Variants in DHRS4 observed in about 807,000 individuals in gnomAD.
DHRS4 encodes dehydrogenase/reductase 4.
Under a neutral mutation model 28.4 loss-of-function variants are expected in DHRS4, and 20 were observed. The observed-to-expected ratio is 0.71, with a 90% CI of 0.50 to 1.02. DHRS4 has a LOEUF of 1.02. Ranked by LOEUF, DHRS4 falls within the 50% of genes least tolerant of loss-of-function variation. The pLI is 0.00. For missense variants in DHRS4, 378 were observed against 367.2 expected, an observed-to-expected ratio of 1.03 and a Z score of -0.24; for synonymous variants, 144 against 146.4, an observed-to-expected ratio of 0.98 and a Z score of 0.12.
rs571209554 is a variant in DHRS4, at chr14:23,955,799, C to A, written c.306+587C>A. Among the ~76,000 whole-genome samples the A allele has an allele frequency of 3.3e-5, 5 of 152,348 alleles. No homozygotes were observed. The East Asian group carries it at 7.7e-4, about 23-fold the overall frequency. ...CCTTCCTTTATTGGCTGCCTGTGGA[C>A]TACCGGGTACTGGACTTTAGTCTCA... On this transcript the variant is annotated intron_variant, in intron 2 of 7. Coordinates refer to ENST00000313250, the MANE Select transcript of DHRS4 (RefSeq NM_021004.4).
At position 23,962,587 on chromosome 14, in the gene DHRS4, C is replaced by A. The variant is rs1255662368; in HGVS notation, c.408+2584C>A. Among the ~76,000 whole-genome samples the A allele has an allele frequency of 5.4e-4, 82 of 151,952 alleles. 1 individual carries two copies. The South Asian group carries it at 0.015, about 27-fold the overall frequency. ...AATTCAGTCCCATCTTCCAGCTCCGCTTCTAGTTCTCTTGCTATTTCCACC... is the reference window on the plus strand; with the variant it reads ...AATTCAGTCCCATCTTCCAGCTCCGATTCTAGTTCTCTTGCTATTTCCACC... On this transcript the variant is annotated intron_variant, in intron 3 of 7. Transcript: ENST00000313250.
chr14:23,966,816 G>T (rs1030032454), intron 6 of DHRS4, among the ~76,000 whole-genome samples: 1 of 152,292 alleles, frequency 6.6e-6, no homozygotes, highest in Non-Finnish European at 1.5e-5. Context: ...TTACCATGAG[G>T]ATGGGCAGTT....
chr14:23,958,706 C>A (rs2033274999), intron 2 of DHRS4, among the ~76,000 whole-genome samples: 1 of 152,212 alleles, frequency 6.6e-6, no homozygotes, highest in African/African-American at 2.4e-5. Context: ...CTCTCCTGGG[C>A]AACCAGTTTC....
Position 23,969,066 on chromosome 14 carries a change from T to C in DHRS4, c.*195T>C. On this transcript the variant is annotated 3_prime_UTR_variant, in exon 8 of 8. Coordinates refer to ENST00000313250, the MANE Select transcript of DHRS4 (RefSeq NM_021004.4). Reference sequence around the variant, plus strand: ...CGGGATTTCTGCTGTTGTTGTGGCCTTGGGTAAAGGCCTCCCCTGAGAACA... The same window carrying C: ...CGGGATTTCTGCTGTTGTTGTGGCCCTGGGTAAAGGCCTCCCCTGAGAACA... The C allele has an allele frequency of 3.5e-6, 4 of 1,146,832 alleles. No homozygotes were observed. Among genetic ancestry groups the C allele is most frequent in the Non-Finnish European group, 4.7e-6 (4 of 842,802 alleles). 71.0% of individuals were successfully genotyped at this position (1,146,832 alleles called of 1,614,324 possible).
chr14:23,958,442 G>C (rs2033265174), intron 2 of DHRS4, among the ~76,000 whole-genome samples: 1 of 152,106 alleles, frequency 6.6e-6, no homozygotes. Context: ...TTTCAGGGTG[G>C]CTTTGTACTG....
intron 3 of DHRS4, among the ~76,000 whole-genome samples, chr14:23,960,281 C>T (rs1344645046): frequency 6.6e-6 from 1 of 152,078 alleles, no homozygotes; most frequent in Non-Finnish European, 1.5e-5. Flanking sequence ...CCCTGGCATG[C>T]TCTTCTGCCT....
chr14:23,956,600 T>TTA (rs1491484471), intron 2 of DHRS4, among the ~76,000 whole-genome samples: 2 of 104,200 alleles, frequency 1.9e-5, no homozygotes, highest in African/African-American at 3.8e-5. Context: ...CTCCATATCC[T>TTA]TTTTTTTTTT....
intron 3 of DHRS4, among the ~76,000 whole-genome samples, chr14:23,962,746 T>C (rs1216868700): frequency 3.3e-5 from 5 of 151,274 alleles, no homozygotes; most frequent in Non-Finnish European, 7.3e-5. Flanking sequence ...ATATTCTTAA[T>C]GGCATCTAAA....
intron 5 of DHRS4, 92 bp from the exon 6 acceptor site, chr14:23,966,191 G>T: frequency 6.3e-7 from 1 of 1,575,540 alleles, no homozygotes; most frequent in Non-Finnish European, 8.6e-7. Flanking sequence ...CCTTACAGGA[G>T]ATCCCTATTG....
chr14:23,953,947 C>T (rs1192786213), intron 1 of DHRS4, 31 bp downstream of exon 1: 4 of 1,557,312 alleles, frequency 2.6e-6, no homozygotes, highest in Middle Eastern at 2.2e-4. Context: ...TTCTGAGGCC[C>T]TGGCTGCCTG....
At chr14:23,956,165 A>G (rs543191767) in intron 2 of DHRS4, among the ~76,000 whole-genome samples, 1 of 152,366 alleles carries the variant, frequency 6.6e-6, no homozygotes, top group South Asian at 2.1e-4. Context: ...ATATGAGTCC[A>G]AGAAAGTCAC....
intron 3 of DHRS4, among the ~76,000 whole-genome samples, chr14:23,965,557 A>C (rs2033582803): frequency 6.8e-6 from 1 of 147,474 alleles, no homozygotes; most frequent in East Asian, 2.1e-4. Context: ...ACCTGAACCT[A>C]ATGTATCAAT....
chr14:23,967,205 C>T lies in DHRS4; in HGVS notation c.667-6C>T, dbSNP rs1284084465. On this transcript the variant is annotated splice_region_variant and splice_polypyrimidine_tract_variant and intron_variant, in intron 6 of 7. Coordinates refer to ENST00000313250, the MANE Select transcript of DHRS4 (RefSeq NM_021004.4). ...AAACATAAAGAGATTTCCCTTCTTC[C>T]TGCAGCTCTGGATGGACAAGGAAAA... is the stretch of plus-strand genomic sequence containing the variant. 1.2e-6 allele frequency: 2 copies of T among 1,610,770 alleles called. No homozygotes were observed. The highest frequency in any genetic ancestry group is 1.7e-5 in the Admixed American group (1 of 59,202).
At chr14:23,968,462 A>T (rs2033715884) in intron 7 of DHRS4, among the ~76,000 whole-genome samples, 1 of 150,420 alleles carries the variant, frequency 6.6e-6, no homozygotes, top group Non-Finnish European at 1.5e-5. Context: ...ATAATTGCTC[A>T]CCATTTTATC....
At chr14:23,967,023 C>T (rs551161279) in intron 6 of DHRS4, among the ~76,000 whole-genome samples, 188 bp from the exon 7 acceptor site, 263 of 152,020 alleles carry the variant, frequency 1.7e-3, no homozygotes, top group Middle Eastern at 0.017. Flanking sequence ...GGCGCAGTGG[C>T]GAGCGCCTGT....
At chr14:23,955,827 G>A (rs1431706470) in intron 2 of DHRS4, among the ~76,000 whole-genome samples, 1 of 152,222 alleles carries the variant, frequency 6.6e-6, no homozygotes, top group Non-Finnish European at 1.5e-5. Flanking sequence ...TAGTCTCAAA[G>A]AAAGTATATA....
chr14:23,960,150 G>C (rs1248889202), intron 3 of DHRS4, 147 bp downstream of exon 3: 9 of 835,940 alleles, frequency 1.1e-5, no homozygotes, highest in African/African-American at 1.7e-5. Flanking sequence ...AGCACACCTT[G>C]CAAAGGGCGG....
At chr14:23,964,507 G>C (rs1228561982) in intron 3 of DHRS4, among the ~76,000 whole-genome samples, 3 of 137,898 alleles carry the variant, frequency 2.2e-5, no homozygotes, top group Non-Finnish European at 4.6e-5. Context: ...TTACTCTTTG[G>C]AAATGTATGC....
chr14:23,964,197 G>A lies in DHRS4; in HGVS notation c.409-1565G>A, dbSNP rs370766952. 7.9e-4 allele frequency among the ~76,000 whole-genome samples: 83 copies of A among 105,642 alleles called. 1 individual carries two copies. The East Asian group carries it at 0.026, about 33-fold the overall frequency. 69.3% of individuals were successfully genotyped at this position (105,642 alleles called of 152,430 possible). A position where few individuals can be genotyped will look rare whatever the true frequency, so the allele number is the denominator to read the frequency against. The stretch of plus-strand genomic sequence containing the variant: ...GGAAAAATGGCTCGAATTAATGCAG[G>A]GTTGCCACGAAACTGCAATTTGTAA... On this transcript the variant is annotated intron_variant, in intron 3 of 7. Coordinates refer to ENST00000313250, the MANE Select transcript of DHRS4 (RefSeq NM_021004.4).
Sources: gnomAD v4.1 joint callset for allele counts (sites outside exome capture counted in the v4.1 genomes callset) on GRCh38, gnomAD v4.1.1 for gene constraint, MANE v1.5 for transcripts, NCBI Gene and HGNC (gene_info 2026-07-23, HGNC 2026-07-21) for gene names.